The following NTRK3 variants were observed in gnomAD, a reference collection of about 807,000 sequenced individuals.
NTRK3 encodes the protein neurotrophic receptor tyrosine kinase 3.
In NTRK3, 24 loss-of-function variants were observed where a neutral mutation model predicts 91.7. The ratio of observed to expected loss-of-function variants is 0.26; its 90% CI spans 0.19 to 0.37. The LOEUF is 0.37. NTRK3 is among the 10% of genes least tolerant of loss of function. The probability of loss-of-function intolerance (pLI) is 1.00; values close to 1 mark genes in which losing one functional copy is unlikely to be tolerated. For synonymous variants in NTRK3, 483 were observed against 404.0 expected, an observed-to-expected ratio of 1.20 and a Z score of -2.34; for missense variants, 880 against 1,068.9, an observed-to-expected ratio of 0.82 and a Z score of 2.46.
At chr15:87,975,377 A>G (rs2073634064) in intron 14 of NTRK3, among the ~76,000 whole-genome samples, 1 of 152,174 alleles carries the variant, frequency 6.6e-6, no homozygotes, top group African/African-American at 2.4e-5. Context: ...GCGCCTGGCA[A>G]GCACCCTGGG....
intron 3 of NTRK3, among the ~76,000 whole-genome samples, chr15:88,205,381 G>C (rs1485452272): frequency 6.6e-6 from 1 of 152,136 alleles, no homozygotes. Flanking sequence ...CACCAGCCAG[G>C]CCTTTGAGGC....
At chr15:87,954,007 A>AGTGTGT (rs61653896) in intron 14 of NTRK3, among the ~76,000 whole-genome samples, 1,596 of 127,710 alleles carry the variant, frequency 0.012, 27 homozygotes, top group East Asian at 0.04. Context: ...AGACCTTTTC[A>AGTGTGT]GTGTGTGTGT....
intron 13 of NTRK3, among the ~76,000 whole-genome samples, chr15:88,062,407 A>ACCT (rs1208039019): frequency 7.2e-5 from 11 of 151,930 alleles, no homozygotes; most frequent in Non-Finnish European, 8.8e-5. Flanking sequence ...TACATTTCCC[A>ACCT]CCTCCCCTTG....
chr15:88,187,948 G>A (rs1358790911), intron 3 of NTRK3, among the ~76,000 whole-genome samples: 27 of 150,566 alleles, frequency 1.8e-4, no homozygotes, highest in East Asian at 2.0e-4. Context: ...AAAAAAAAAA[G>A]AAAAAATCAA....
chr15:88,001,088 C>A (rs957464853), intron 14 of NTRK3, among the ~76,000 whole-genome samples: 3 of 152,178 alleles, frequency 2.0e-5, no homozygotes, highest in Non-Finnish European at 4.4e-5. Context: ...TTGCATTTCC[C>A]TAATGACTAA....
chr15:88,034,768 C>T (rs2078921899), intron 13 of NTRK3, among the ~76,000 whole-genome samples: 1 of 152,172 alleles, frequency 6.6e-6, no homozygotes, highest in African/African-American at 2.4e-5. Context: ...AGGCTTATTC[C>T]AATCCATGAC....
At chr15:88,028,961 C>T (rs77507326) in intron 14 of NTRK3, among the ~76,000 whole-genome samples, 208 of 152,316 alleles carry the variant, frequency 1.4e-3, no homozygotes, top group Non-Finnish European at 2.6e-3. Context: ...ACATGGGTGA[C>T]AAAGGTAACT....
chr15:88,082,419 A>G (rs1329552297), intron 13 of NTRK3, among the ~76,000 whole-genome samples: 1 of 152,210 alleles, frequency 6.6e-6, no homozygotes, highest in Non-Finnish European at 1.5e-5. Flanking sequence ...TGTACAGCTC[A>G]GGAAGTTTTT....
intron 10 of NTRK3, among the ~76,000 whole-genome samples, chr15:88,130,975 A>G (rs2041278505): frequency 6.6e-6 from 1 of 152,230 alleles, no homozygotes; most frequent in Admixed American, 6.5e-5. Flanking sequence ...CAAAGGGTGG[A>G]AGGAAGTGCC....
intron 13 of NTRK3, among the ~76,000 whole-genome samples, chr15:88,067,364 G>C (rs763100294): frequency 6.6e-6 from 1 of 152,046 alleles, no homozygotes; most frequent in Non-Finnish European, 1.5e-5. Flanking sequence ...TATCTATTTA[G>C]ATAGAATATC....
In NTRK3 at chr15:88,154,723, G is replaced by A. The variant is rs368931935; in HGVS notation, c.396-7320C>T. Among the ~76,000 whole-genome samples, 41 of 152,264 alleles carry A rather than the reference G, an allele frequency of 2.7e-4. No individual in the cohort carries two copies. The South Asian group carries it at 7.9e-3, about 29-fold the overall frequency. ...GGGCTCTACCAGGGTTTCCCAGAGC[G>A]TGTTCCTGGAATCTGAGGTCTGCAA... On this transcript the variant is annotated intron_variant, in intron 5 of 18. Transcript: ENST00000394480.
chr15:88,028,356 C>G (rs1041261517), intron 14 of NTRK3, among the ~76,000 whole-genome samples: 1 of 151,924 alleles, frequency 6.6e-6, no homozygotes, highest in Non-Finnish European at 1.5e-5. Context: ...ATTAAATAGA[C>G]AAAAGGGGAA....
chr15:88,000,479 G>A (rs2076026196), intron 14 of NTRK3, among the ~76,000 whole-genome samples: 1 of 151,956 alleles, frequency 6.6e-6, no homozygotes, highest in Admixed American at 6.6e-5. Flanking sequence ...ACATACACAT[G>A]AATAAACCAT....
chr15:88,021,423 T>G (rs1048447650), intron 14 of NTRK3, among the ~76,000 whole-genome samples: 1 of 152,140 alleles, frequency 6.6e-6, no homozygotes, highest in Admixed American at 6.5e-5. Context: ...TGCTAACAGG[T>G]ATACCTCAAA....
At chr15:87,911,252 G>A (rs2141739447) in intron 17 of NTRK3, among the ~76,000 whole-genome samples, 1 of 152,266 alleles carries the variant, frequency 6.6e-6, no homozygotes, top group South Asian at 2.1e-4. Flanking sequence ...ATATTTGATA[G>A]CATCATGAAA....
intron 15 of NTRK3, among the ~76,000 whole-genome samples, chr15:87,935,272 G>T (rs186915628): frequency 1.3e-5 from 2 of 152,294 alleles, no homozygotes; most frequent in Admixed American, 6.5e-5. Flanking sequence ...CCCAGCAAAG[G>T]TGCCAGGCTT....
chr15:87,903,047 G>A (rs2066547481), intron 17 of NTRK3, among the ~76,000 whole-genome samples: 1 of 152,146 alleles, frequency 6.6e-6, no homozygotes. Flanking sequence ...GGCTGCATTT[G>A]CCCCGGTGCC....
At chr15:88,256,724 A>T in exon 1 of NTRK3, 1 of 362,286 alleles carries the variant, frequency 2.8e-6, no homozygotes, top group Non-Finnish European at 4.9e-6. Flanking sequence ...GCGCGGCTGC[A>T]GAAATGTACA....
intron 13 of NTRK3, among the ~76,000 whole-genome samples, chr15:88,049,037 G>C (rs913260677): frequency 2.0e-4 from 31 of 152,314 alleles, no homozygotes; most frequent in African/African-American, 7.2e-4. Flanking sequence ...ATCAGAGAAG[G>C]ATATATTTTA....
Sources: gnomAD v4.1 joint callset for allele counts (sites outside exome capture counted in the v4.1 genomes callset) on GRCh38, gnomAD v4.1.1 for gene constraint, MANE v1.5 for transcripts, NCBI Gene and HGNC (gene_info 2026-07-23, HGNC 2026-07-21) for gene names.